DENND1A: variants seen among roughly 807,000 people sequenced by gnomAD.
The protein encoded by DENND1A is DENN domain-containing protein 1A.
A neutral mutation model predicts 113.7 loss-of-function variants in DENND1A; 51 were observed. The observed-to-expected ratio is 0.45, with a 90% CI of 0.36 to 0.57. DENND1A has a LOEUF of 0.57. Among genes scored for constraint, DENND1A ranks in the 20% least tolerant of loss-of-function variants. The probability of loss-of-function intolerance (pLI) is 0.00; values close to 1 mark genes in which losing one functional copy is unlikely to be tolerated. For synonymous variants in DENND1A, 565 were observed against 570.8 expected (o/e 0.99, Z 0.14); for missense variants, 1,258 against 1,395.9 (o/e 0.90, Z 1.57).
At chr9:123,700,563 A>G (rs1054231185) in intron 5 of DENND1A, among the ~76,000 whole-genome samples, 1 of 152,188 alleles carries the variant, frequency 6.6e-6, no homozygotes, top group African/African-American at 2.4e-5. Context: ...AGGATTTTTA[A>G]ATTACAGTCT....
intron 2 of DENND1A, among the ~76,000 whole-genome samples, chr9:123,809,152 T>C (rs1018882210): frequency 6.6e-6 from 1 of 152,250 alleles, no homozygotes; most frequent in Non-Finnish European, 1.5e-5. Flanking sequence ...TATCTTCAGC[T>C]GGACCATGAC....
intron 6 of DENND1A, among the ~76,000 whole-genome samples, chr9:123,674,350 A>T (rs966215483): frequency 0.011 from 1,058 of 96,864 alleles, 8 homozygotes; most frequent in African/African-American, 0.037. Flanking sequence ...TCTCACACAC[A>T]CACACACACA....
At chr9:123,628,815 AGGATTCT>A (rs1273407950) in intron 10 of DENND1A, among the ~76,000 whole-genome samples, 3 of 152,266 alleles carry the variant, frequency 2.0e-5, no homozygotes, top group Admixed American at 1.3e-4. Context: ...AAAATTAGCC[AGGATTCT>A]ATACTCCACA....
At chr9:123,804,481 C>T (rs1179815600) in intron 2 of DENND1A, among the ~76,000 whole-genome samples, 2 of 152,194 alleles carry the variant, frequency 1.3e-5, no homozygotes, top group Non-Finnish European at 2.9e-5. Flanking sequence ...TATTGAAGAG[C>T]TCCAGAACTC....
In DENND1A at chr9:123,525,312, C is replaced by T. The variant is rs555216466; in HGVS notation, c.993+32258G>A. Among the ~76,000 whole-genome samples the T allele has an allele frequency of 3.3e-5, 5 of 152,202 alleles. No individual in the cohort carries two copies. The East Asian group carries it at 7.7e-4, about 24-fold the overall frequency. The stretch of plus-strand genomic sequence containing the variant: ...GCTATTAGGTAGATTCTGGCCTGCT[C>T]GGTTAAATTTACTCTTGTTGGGGGT... On this transcript the variant is annotated intron_variant, in intron 13 of 23. Coordinates refer to ENST00000394215, the MANE Select transcript of DENND1A (RefSeq NM_001352964.2).
chr9:123,829,126 A>G (rs1375062679), intron 2 of DENND1A, among the ~76,000 whole-genome samples: 1 of 152,168 alleles, frequency 6.6e-6, no homozygotes, highest in Non-Finnish European at 1.5e-5. Context: ...GGTTCAGAAA[A>G]ACTAATTTCA....
intron 5 of DENND1A, among the ~76,000 whole-genome samples, chr9:123,696,172 G>A (rs1400439837): frequency 6.6e-6 from 1 of 152,074 alleles, no homozygotes; most frequent in Non-Finnish European, 1.5e-5. Context: ...TCAATTACAC[G>A]ATTTCAGATT....
chr9:123,913,407 A>G (rs1031972752), intron 1 of DENND1A, among the ~76,000 whole-genome samples: 1 of 152,224 alleles, frequency 6.6e-6, no homozygotes, highest in Non-Finnish European at 1.5e-5. Context: ...TTCCAGGGTT[A>G]TAACAATAGA....
At chr9:123,788,150 G>A (rs1170612083) in intron 3 of DENND1A, among the ~76,000 whole-genome samples, 1 of 152,058 alleles carries the variant, frequency 6.6e-6, no homozygotes, top group Non-Finnish European at 1.5e-5. Context: ...GTACAATTGT[G>A]AGGACAAATT....
At chr9:123,842,505 A>T (rs1180328014) in intron 2 of DENND1A, among the ~76,000 whole-genome samples, 1 of 152,212 alleles carries the variant, frequency 6.6e-6, no homozygotes, top group African/African-American at 2.4e-5. Context: ...CTATGAACAA[A>T]TGTGTGCCAA....
chr9:123,722,761 G>A (rs911549277), intron 5 of DENND1A, among the ~76,000 whole-genome samples: 9 of 152,244 alleles, frequency 5.9e-5, no homozygotes, highest in Non-Finnish European at 1.0e-4. Context: ...AGATTTCAGA[G>A]TATGTATGGA....
At chr9:123,481,067 A>C (rs1391244255) in intron 13 of DENND1A, among the ~76,000 whole-genome samples, 1 of 152,170 alleles carries the variant, frequency 6.6e-6, no homozygotes, top group Non-Finnish European at 1.5e-5. Context: ...TGTCAGTCTT[A>C]AATGTCACTT....
intron 2 of DENND1A, among the ~76,000 whole-genome samples, chr9:123,857,928 G>A (rs1185715002): frequency 3.9e-4 from 59 of 151,920 alleles, no homozygotes; most frequent in Non-Finnish European, 1.0e-4. Flanking sequence ...GCGTGGTGGC[G>A]GACGCCTGTA....
chr9:123,527,539 C>T (rs1192520620), intron 13 of DENND1A, among the ~76,000 whole-genome samples: 1 of 152,166 alleles, frequency 6.6e-6, no homozygotes, highest in Non-Finnish European at 1.5e-5. Context: ...CTGGCTACCC[C>T]ACTCATTTAT....
chr9:123,874,329 G>C (rs1847118181), intron 2 of DENND1A, among the ~76,000 whole-genome samples: 1 of 151,158 alleles, frequency 6.6e-6, no homozygotes, highest in East Asian at 1.9e-4. Flanking sequence ...AACCATAGAA[G>C]ATATCTATAA....
At chr9:123,836,184 T>C (rs557735043) in intron 2 of DENND1A, among the ~76,000 whole-genome samples, 1 of 152,196 alleles carries the variant, frequency 6.6e-6, no homozygotes, top group South Asian at 2.1e-4. Context: ...GTGCTATCTG[T>C]TGATTTTGAA....
chr9:123,776,498 T>C (rs1830493770), intron 3 of DENND1A, among the ~76,000 whole-genome samples: 1 of 152,220 alleles, frequency 6.6e-6, no homozygotes, highest in African/African-American at 2.4e-5. Flanking sequence ...TGCTTTGTCT[T>C]ACCTAATGAT....
At chr9:123,855,062 A>G (rs1291878008) in intron 2 of DENND1A, among the ~76,000 whole-genome samples, 2 of 151,362 alleles carry the variant, frequency 1.3e-5, no homozygotes, top group Non-Finnish European at 2.9e-5. Context: ...GTCCAGTTCT[A>G]TGTAAATGGA....
chr9:123,779,872 C>CTTTTTTTTTTT (rs72419269), intron 3 of DENND1A, among the ~76,000 whole-genome samples: 17,699 of 142,998 alleles, frequency 0.12, 1,529 homozygotes, highest in African/African-American at 0.19. Context: ...TTGCATGAGA[C>CTTTTTTTTTTT]TTTTTTTTGA....
Sources: gnomAD v4.1 joint callset for allele counts (sites outside exome capture counted in the v4.1 genomes callset) on GRCh38, gnomAD v4.1.1 for gene constraint, MANE v1.5 for transcripts, NCBI Gene and HGNC (gene_info 2026-07-23, HGNC 2026-07-21) for gene names.